Variants in PSD3 observed in about 807,000 individuals in gnomAD.
PSD3 encodes PH and SEC7 domain-containing protein 3.
Under a neutral mutation model 105.5 loss-of-function variants are expected in PSD3, and 49 were observed. That is an observed-to-expected ratio of 0.46 (90% CI 0.37 to 0.59). The LOEUF (loss-of-function observed/expected upper bound fraction) is 0.59. Ranked by LOEUF, PSD3 falls within the 20% of genes least tolerant of loss-of-function variation. PSD3 has a pLI of 0.00. For synonymous variants in PSD3, 557 were observed against 457.8 expected (o/e 1.22, Z -2.77); for missense variants, 1,561 against 1,263.8 (o/e 1.24, Z -3.57).
chr8:19,072,890 T>A (rs1195891458), intron 1 of PSD3, among the ~76,000 whole-genome samples: 1 of 152,218 alleles, frequency 6.6e-6, no homozygotes, highest in Non-Finnish European at 1.5e-5. Context: ...CAAGTGAACG[T>A]GAAAATGCAT....
At chr8:19,017,649 G>T (rs1336427276), upstream of PSD3, among the ~76,000 whole-genome samples, 1 of 152,030 alleles carries the variant, frequency 6.6e-6, no homozygotes, top group African/African-American at 2.4e-5. Context: ...TCATATAAAT[G>T]GAATCATAAA....
chr8:18,716,533 C>T (rs1301024370), intron 9 of PSD3, among the ~76,000 whole-genome samples: 2 of 152,060 alleles, frequency 1.3e-5, no homozygotes, highest in Non-Finnish European at 2.9e-5. Context: ...GTGGCTGAAG[C>T]TTGGGCAGTG....
At chr8:19,051,526 T>C (rs1206222015) in intron 1 of PSD3, among the ~76,000 whole-genome samples, 1 of 152,240 alleles carries the variant, frequency 6.6e-6, no homozygotes, top group Non-Finnish European at 1.5e-5. Flanking sequence ...GTGAATGTTT[T>C]AATGAGTGTG....
chr8:18,921,687 A>G (rs1237058873), intron 2 of PSD3, among the ~76,000 whole-genome samples: 1 of 152,234 alleles, frequency 6.6e-6, no homozygotes, highest in Non-Finnish European at 1.5e-5. Flanking sequence ...GGGGTTGCAA[A>G]GTGTGACATA....
intron 4 of PSD3, among the ~76,000 whole-genome samples, chr8:18,819,847 G>A (rs1317018187): frequency 1.3e-4 from 20 of 152,154 alleles, no homozygotes; most frequent in Non-Finnish European, 1.2e-4. Flanking sequence ...AAAGTGCTGG[G>A]TTTACAGGCG....
chr8:19,055,355 G>C (rs936272363), intron 1 of PSD3, among the ~76,000 whole-genome samples: 6 of 151,692 alleles, frequency 4.0e-5, no homozygotes, highest in African/African-American at 1.2e-4. Context: ...CCAGGTTCAA[G>C]TGATTGTCCT....
At chr8:18,820,171 C>CT (rs11357749) in intron 4 of PSD3, among the ~76,000 whole-genome samples, 1,482 of 128,062 alleles carry the variant, frequency 0.012, 15 homozygotes, top group Non-Finnish European at 0.018. Flanking sequence ...CATTTTTTTC[C>CT]TTTTTTTTTT....
exon 1 of PSD3, chr8:19,084,646 C>A (rs868094507): frequency 1.8e-5 from 6 of 342,070 alleles, no homozygotes; most frequent in African/African-American, 1.1e-4. Flanking sequence ...CCCCTGCTTA[C>A]GTCCGGATCC....
chr8:19,074,469 T>C (rs960562294), intron 1 of PSD3, among the ~76,000 whole-genome samples: 1 of 151,916 alleles, frequency 6.6e-6, no homozygotes, highest in African/African-American at 2.4e-5. Flanking sequence ...ATGCATATTT[T>C]TTATGCTGAA....
At chr8:18,792,522 T>C (rs1809815573) in intron 8 of PSD3, among the ~76,000 whole-genome samples, 1 of 152,236 alleles carries the variant, frequency 6.6e-6, no homozygotes, top group African/African-American at 2.4e-5. Flanking sequence ...TGAGAACACA[T>C]GGACACATGG....
chr8:18,743,015 G>A (rs1228280153), intron 9 of PSD3, among the ~76,000 whole-genome samples: 4 of 152,146 alleles, frequency 2.6e-5, no homozygotes, highest in Non-Finnish European at 5.9e-5. Flanking sequence ...GACACTATGC[G>A]ATGCCTTTAG....
intron 1 of PSD3, among the ~76,000 whole-genome samples, chr8:19,002,641 T>C (rs1209529321): frequency 6.6e-6 from 1 of 152,126 alleles, no homozygotes; most frequent in Non-Finnish European, 1.5e-5. Context: ...CCATATACTT[T>C]AAGTCATCTC....
At chr8:18,949,245 ATATAT>A (rs1441335392) in intron 1 of PSD3, among the ~76,000 whole-genome samples, 25 of 35,242 alleles carry the variant, frequency 7.1e-4, no homozygotes, top group African/African-American at 3.0e-3. Context: ...AAAAAAAAAA[ATATAT>A]ATATATATAT....
chr8:18,970,324 C>CAAAAAAAAA (rs11450922), intron 1 of PSD3, among the ~76,000 whole-genome samples: 4 of 45,286 alleles, frequency 8.8e-5, no homozygotes, highest in African/African-American at 2.8e-4. Flanking sequence ...GACTCTGCCT[C>CAAAAAAAAA]AAAAAAAAAA....
chr8:19,032,290 G>A (rs2129476267), intron 1 of PSD3, among the ~76,000 whole-genome samples: 1 of 152,292 alleles, frequency 6.6e-6, no homozygotes, highest in East Asian at 1.9e-4. Flanking sequence ...TAAGTGAGAT[G>A]TGGTTTATCT....
At chr8:18,963,653 G>T (rs1193624605) in intron 1 of PSD3, among the ~76,000 whole-genome samples, 1 of 152,070 alleles carries the variant, frequency 6.6e-6, no homozygotes, top group South Asian at 2.1e-4. Flanking sequence ...ACGCTAGCTG[G>T]GAGAAAATAA....
At chr8:19,052,680 C>T (rs334208) in intron 1 of PSD3, among the ~76,000 whole-genome samples, 42,660 of 151,588 alleles carry the variant, frequency 0.28, 7,081 homozygotes, top group East Asian at 0.57. Flanking sequence ...GAAAGGAGTT[C>T]GGTAATATCA....
At chr8:18,711,516 T>TA (rs1409685215) in intron 9 of PSD3, among the ~76,000 whole-genome samples, 1 of 151,884 alleles carries the variant, frequency 6.6e-6, no homozygotes, top group Non-Finnish European at 1.5e-5. Context: ...TGAACAAAGA[T>TA]AAAAAAATAC....
At chr8:18,670,781 G>A (rs558495296) in intron 9 of PSD3, among the ~76,000 whole-genome samples, 1 of 152,240 alleles carries the variant, frequency 6.6e-6, no homozygotes, top group East Asian at 1.9e-4. Flanking sequence ...AAATGTGTGC[G>A]AGTATCTGGG....
Sources: allele counts gnomAD v4.1 joint callset (sites outside exome capture counted in the v4.1 genomes callset), GRCh38; gene constraint gnomAD v4.1.1; transcripts MANE v1.5; gene names NCBI Gene and HGNC (gene_info 2026-07-23, HGNC 2026-07-21).